The following PTGR3 variants were observed in gnomAD, a reference collection of about 807,000 sequenced individuals.
The protein encoded by PTGR3 is prostaglandin reductase 3.
chr18:75,199,356 CT>C, the PTGR3 span: 3 of 152,504 alleles, frequency 2.0e-5, no homozygotes, highest in Non-Finnish European at 4.4e-5. Flanking sequence ...CTCCCCAAGT[CT>C]TTACAAAGGG....
the PTGR3 span, chr18:75,208,429 G>A: frequency 6.0e-6 from 6 of 993,292 alleles, no homozygotes; most frequent in African/African-American, 1.7e-5. Context: ...CCTAAACGTC[G>A]CAGTTTGCGT....
chr18:75,201,279 G>A, the PTGR3 span: 1 of 726,528 alleles, frequency 1.4e-6, no homozygotes, highest in Non-Finnish European at 2.2e-6. Context: ...GAGAAGGAGA[G>A]ACCTATTCAT....
At chr18:75,198,197 T>C in the PTGR3 span, 1 of 152,202 alleles carries the variant, frequency 6.6e-6, no homozygotes, top group African/African-American at 2.4e-5. Context: ...AAGGCAGGCA[T>C]GTGTCTTAAA....
the PTGR3 span, chr18:75,208,796 G>GA: frequency 3.7e-6 from 5 of 1,338,348 alleles, no homozygotes; most frequent in African/African-American, 3.1e-5. Context: ...GGCGCGGCGC[G>GA]GCGCGAGCCC....
chr18:75,208,222 G>C, the PTGR3 span: 1 of 761,710 alleles, frequency 1.3e-6, no homozygotes, highest in South Asian at 5.9e-5. Context: ...AGCTGCCCGG[G>C]ACACGCGCCA....
chr18:75,202,368 T>A, the PTGR3 span: 1 of 1,584,188 alleles, frequency 6.3e-7, no homozygotes, highest in Admixed American at 1.7e-5. Flanking sequence ...AACAAATATG[T>A]TACGATGGGT....
the PTGR3 span, chr18:75,199,950 A>C: frequency 6.6e-6 from 1 of 152,652 alleles, no homozygotes; most frequent in South Asian, 2.1e-4. Context: ...TAGGTACCTG[A>C]AAATGAGTAA....
At chr18:75,201,913 G>A in the PTGR3 span, 2 of 1,614,190 alleles carry the variant, frequency 1.2e-6, no homozygotes, top group Non-Finnish European at 1.7e-6. Context: ...AGAGATTTCA[G>A]AAAAGCAGAC....
the PTGR3 span, chr18:75,205,469 A>C: frequency 0.011 from 10,824 of 985,100 alleles, 79 homozygotes; most frequent in Middle Eastern, 0.021. Flanking sequence ...AAATCCAGAA[A>C]CCCCAGGAAA....
chr18:75,195,743 C>T, the PTGR3 span: 1 of 152,012 alleles, frequency 6.6e-6, no homozygotes, highest in Non-Finnish European at 1.5e-5. Flanking sequence ...GAGACCTTGT[C>T]TCTACAAAAA....
the PTGR3 span, among the ~76,000 whole-genome samples, chr18:75,202,568 C>T: frequency 6.6e-6 from 1 of 150,398 alleles, no homozygotes; most frequent in Non-Finnish European, 1.5e-5. Flanking sequence ...TTCCTTTCAT[C>T]AGTTTAGAAA....
the PTGR3 span, chr18:75,208,612 C>G: frequency 1.1e-6 from 1 of 877,532 alleles, no homozygotes; most frequent in Non-Finnish European, 1.5e-6. Flanking sequence ...TAAAATAACC[C>G]TCAGTTATGA....
At chr18:75,199,083 T>A in the PTGR3 span, 4 of 152,670 alleles carry the variant, frequency 2.6e-5, no homozygotes, top group African/African-American at 9.6e-5. Flanking sequence ...GAAAACAGCA[T>A]GCAGTGCACT....
At chr18:75,203,021 T>C in the PTGR3 span, among the ~76,000 whole-genome samples, 6 of 152,348 alleles carry the variant, frequency 3.9e-5, no homozygotes, top group South Asian at 1.0e-3. Flanking sequence ...TTTTGATTAA[T>C]TGAACAAAAA....
chr18:75,204,991 C>T, the PTGR3 span, among the ~76,000 whole-genome samples: 1 of 152,222 alleles, frequency 6.6e-6, no homozygotes, highest in East Asian at 1.9e-4. Context: ...AAATTGTCTG[C>T]GTCGTCGGTG....
the PTGR3 span, chr18:75,209,005 G>C: frequency 1.3e-6 from 2 of 1,590,140 alleles, no homozygotes; most frequent in African/African-American, 1.4e-5. The surrounding 1 kb of genome is among the most constrained non-coding windows in gnomAD (Gnocchi z 4.7). Context: ...GGAAGTGGCG[G>C]GCGTACGACA....
the PTGR3 span, chr18:75,198,888 C>G: frequency 1.3e-5 from 2 of 152,536 alleles, no homozygotes; most frequent in Non-Finnish European, 2.9e-5. Context: ...GTGTTGAGAC[C>G]ATCGTACCGT....
At chr18:75,208,013 G>A in the PTGR3 span, among the ~76,000 whole-genome samples, 3,131 of 152,290 alleles carry the variant, frequency 0.021, 111 homozygotes, top group African/African-American at 0.071. Flanking sequence ...AGACCTAAGC[G>A]GGCATGGCTC....
chr18:75,208,181 G>A, the PTGR3 span, among the ~76,000 whole-genome samples: 2 of 152,230 alleles, frequency 1.3e-5, no homozygotes, highest in African/African-American at 4.8e-5. Context: ...TGCCGGCAAA[G>A]GCAGCCATGC....
Sources: gnomAD v4.1 joint callset for allele counts (sites outside exome capture counted in the v4.1 genomes callset) on GRCh38, gnomAD v4.1.1 for gene constraint, Gnocchi (gnomAD v3.1) non-coding constraint, MANE v1.5 for transcripts, NCBI Gene and HGNC (gene_info 2026-07-23, HGNC 2026-07-21) for gene names.